Variants in B3GAT2 observed in about 807,000 individuals in gnomAD.
B3GAT2 encodes beta-1,3-glucuronyltransferase 2.
B3GAT2 carries 26 observed loss-of-function variants against 27.8 expected under a neutral mutation model. The ratio of observed to expected loss-of-function variants is 0.93; its 90% CI spans 0.68 to 1.30. B3GAT2 has a LOEUF of 1.30. B3GAT2 is among the 50% of genes most tolerant of loss of function. B3GAT2 has a pLI of 0.00. For synonymous variants in B3GAT2, 218 were observed against 195.1 expected (o/e 1.12, Z -0.98); for missense variants, 458 against 459.0 (o/e 1.00, Z 0.02).
At chr6:70,928,848 TC>T in intron 1 of B3GAT2, among the ~76,000 whole-genome samples, 1 of 152,160 alleles carries the variant, frequency 6.6e-6, no homozygotes, top group East Asian at 1.9e-4. Context: ...GACCCAGCCA[TC>T]CCATTACTGG....
chr6:70,864,782 A>G (rs1176058302), intron 2 of B3GAT2, among the ~76,000 whole-genome samples: 3 of 152,196 alleles, frequency 2.0e-5, no homozygotes, highest in Non-Finnish European at 2.9e-5. Context: ...TTGATTTCCA[A>G]CCTAAGATGT....
rs943853919 is a variant in B3GAT2 at position 70,894,243 on chromosome 6, C to T, written c.621G>A (p.Trp207Ter). 1 of 1,609,252 alleles carries T rather than the reference C, an allele frequency of 6.2e-7. No individual in the cohort carries two copies. The highest frequency in any genetic ancestry group is 8.5e-7 in the Non-Finnish European group (1 of 1,177,660). The change falls in exon 2 of 4, where the codon TGG (tryptophan) becomes TGA (stop). Residue 207 changes from tryptophan (W) to a stop codon, truncating the protein, a stop_gained. Transcript: ENST00000230053. LOFTEE classifies it high-confidence loss of function. ...EMRTTRKVSV[W>*]PVGLVGGRRY... ...GCCGCCCACCAACCAGGCCCACAGGCCAGACGGAGACCTTGCGGGTGGTTC... is the reference window on the plus strand; with the variant it reads ...GCCGCCCACCAACCAGGCCCACAGGTCAGACGGAGACCTTGCGGGTGGTTC...
intron 2 of B3GAT2, among the ~76,000 whole-genome samples, chr6:70,865,056 C>T (rs1191463990): frequency 6.6e-6 from 1 of 152,150 alleles, no homozygotes; most frequent in Non-Finnish European, 1.5e-5. Context: ...GATGCATCTG[C>T]AGATCCAACT....
intron 2 of B3GAT2, among the ~76,000 whole-genome samples, chr6:70,892,693 T>A (rs769631681): frequency 2.6e-5 from 4 of 152,146 alleles, no homozygotes; most frequent in African/African-American, 7.2e-5. Context: ...GAAAACTACA[T>A]CCCAGAGAAG....
At chr6:70,948,324 A>G (rs1765525213) in intron 1 of B3GAT2, among the ~76,000 whole-genome samples, 1 of 146,670 alleles carries the variant, frequency 6.8e-6, no homozygotes, top group African/African-American at 2.6e-5. Context: ...TTGTATATCT[A>G]GAAAACCCCA....
intron 2 of B3GAT2, among the ~76,000 whole-genome samples, chr6:70,880,531 T>C (rs187510218): frequency 9.9e-5 from 15 of 152,260 alleles, no homozygotes; most frequent in Non-Finnish European, 2.2e-4. Flanking sequence ...AGAGTCTCAC[T>C]CTGTCACCCA....
At chr6:70,924,407 T>C (rs1229983083) in intron 1 of B3GAT2, among the ~76,000 whole-genome samples, 4 of 152,132 alleles carry the variant, frequency 2.6e-5, no homozygotes, top group African/African-American at 9.7e-5. Flanking sequence ...AACAGAATAA[T>C]AATACATCTT....
chr6:70,883,308 G>A (rs1254053633), intron 2 of B3GAT2, among the ~76,000 whole-genome samples: 1 of 152,044 alleles, frequency 6.6e-6, no homozygotes. Flanking sequence ...GTAGCCAAAA[G>A]GTGGAAACAA....
chr6:70,934,718 C>T (rs1348363855), intron 1 of B3GAT2, among the ~76,000 whole-genome samples: 1 of 152,082 alleles, frequency 6.6e-6, no homozygotes, highest in African/African-American at 2.4e-5. Flanking sequence ...GAAAATGATT[C>T]CCACCTTAAT....
rs374075376 is a variant in B3GAT2, at chr6:70,858,186, T to C, written c.*3477A>G. The C allele has an allele frequency of 1.2e-5, 20 of 1,613,618 alleles. No individual in the cohort carries two copies. Among genetic ancestry groups the C allele is most frequent in the South Asian group, 3.3e-5 (3 of 91,060 alleles). On this transcript the variant is annotated 3_prime_UTR_variant, in exon 4 of 4. Transcript: ENST00000230053. ...CAAATGGGTGCACCCCAGAGTAAGT[T>C]TGGCCTGCCGCAAGCTCAGCAGCCC...
At chr6:70,899,019 A>G (rs150418134) in intron 1 of B3GAT2, among the ~76,000 whole-genome samples, 2,528 of 152,212 alleles carry the variant, frequency 0.017, 52 homozygotes, top group African/African-American at 0.056. Context: ...AAATAGAAAT[A>G]AAAAATAAAT....
chr6:70,863,161 G>C (rs1213175309), intron 2 of B3GAT2, among the ~76,000 whole-genome samples: 2 of 152,126 alleles, frequency 1.3e-5, no homozygotes, highest in African/African-American at 4.8e-5. Flanking sequence ...CACCCTCCCA[G>C]AGTTGAAGCT....
At chr6:70,878,958 A>AATATATATTATACC (rs1772057703) in intron 2 of B3GAT2, among the ~76,000 whole-genome samples, 1 of 151,998 alleles carries the variant, frequency 6.6e-6, no homozygotes. Flanking sequence ...GCAGGCATTG[A>AATATATATTATACC]AATATACCAA....
chr6:70,878,970 G>A (rs1772058005), intron 2 of B3GAT2, among the ~76,000 whole-genome samples: 2 of 151,760 alleles, frequency 1.3e-5, no homozygotes, highest in African/African-American at 4.8e-5. Flanking sequence ...ATATACCAAC[G>A]TTTTTATTTG....
chr6:70,948,951 C>A (rs981490521), intron 1 of B3GAT2, among the ~76,000 whole-genome samples: 1 of 152,034 alleles, frequency 6.6e-6, no homozygotes, highest in Non-Finnish European at 1.5e-5. Context: ...GAAAAACAAG[C>A]AATGGGGAAA....
chr6:70,955,822 G>A lies in B3GAT2; in HGVS notation c.591+17C>T, dbSNP rs1765645179. On this transcript the variant is annotated intron_variant, in intron 1 of 3. Transcript: ENST00000230053. ...ACTCCCGCCCTCGCCCACCCAGCGGGGCAGGCTGGCCTTTACCTCCTGGAA... is the reference window on the plus strand; with the variant it reads ...ACTCCCGCCCTCGCCCACCCAGCGGAGCAGGCTGGCCTTTACCTCCTGGAA... 1 of 1,576,652 alleles carries A rather than the reference G, an allele frequency of 6.3e-7. No individual in the cohort carries two copies. The highest frequency in any genetic ancestry group is 1.4e-5 in the African/African-American group (1 of 72,866).
intron 2 of B3GAT2, among the ~76,000 whole-genome samples, chr6:70,870,349 C>T (rs1250742449): frequency 3.7e-5 from 5 of 133,380 alleles, no homozygotes; most frequent in East Asian, 2.2e-4. Flanking sequence ...GATGAGAACA[C>T]ATGGACACAG....
chr6:70,868,390 CCA>C (rs993241045), intron 2 of B3GAT2, among the ~76,000 whole-genome samples: 9 of 152,256 alleles, frequency 5.9e-5, no homozygotes, highest in African/African-American at 1.7e-4. Flanking sequence ...CTTCCTTCAG[CCA>C]CAGTTAACAG....
intron 1 of B3GAT2, among the ~76,000 whole-genome samples, chr6:70,929,371 A>T (rs575063556): frequency 6.6e-6 from 1 of 152,324 alleles, no homozygotes; most frequent in Non-Finnish European, 1.5e-5. Context: ...AAAAAAAGAA[A>T]TAAAAGCTAT....
Sources: allele counts gnomAD v4.1 joint callset (sites outside exome capture counted in the v4.1 genomes callset), GRCh38; gene constraint gnomAD v4.1.1; transcripts MANE v1.5; gene names NCBI Gene and HGNC (gene_info 2026-07-23, HGNC 2026-07-21).